PHACTR1: variants seen among roughly 807,000 people sequenced by gnomAD.
PHACTR1 encodes phosphatase and actin regulator 1, also known as RPEL repeat containing 1.
A neutral mutation model predicts 69.2 loss-of-function variants in PHACTR1; 16 were observed. The ratio of observed to expected loss-of-function variants is 0.23; its 90% CI spans 0.16 to 0.35. The LOEUF is 0.35. Ranked by LOEUF, PHACTR1 falls within the 10% of genes least tolerant of loss-of-function variation. PHACTR1 has a pLI of 1.00. For synonymous variants in PHACTR1, 312 were observed against 284.5 expected (o/e 1.10, Z -0.97); for missense variants, 510 against 734.7 (o/e 0.69, Z 3.54).
At chr6:13,134,340 G>C (rs954312639) in intron 5 of PHACTR1, among the ~76,000 whole-genome samples, 2 of 152,248 alleles carry the variant, frequency 1.3e-5, no homozygotes, top group Non-Finnish European at 2.9e-5. Flanking sequence ...TGGCGGTTTT[G>C]TCGAGTGGAA....
chr6:13,011,410 A>G (rs1734479951), intron 4 of PHACTR1, among the ~76,000 whole-genome samples: 1 of 152,366 alleles, frequency 6.6e-6, no homozygotes, highest in South Asian at 2.1e-4. Flanking sequence ...TGGATCCTCA[A>G]ACAAGAGAAA....
chr6:12,777,760 A>C (rs980484457), intron 4 of PHACTR1, among the ~76,000 whole-genome samples: 3 of 150,956 alleles, frequency 2.0e-5, no homozygotes, highest in Non-Finnish European at 4.4e-5. Flanking sequence ...GCCTCCCAAG[A>C]AGCTGGGATT....
intron 5 of PHACTR1, among the ~76,000 whole-genome samples, chr6:13,087,958 T>C (rs1812585165): frequency 6.6e-6 from 1 of 152,090 alleles, no homozygotes; most frequent in African/African-American, 2.4e-5. Context: ...AAAGCACACA[T>C]CTTTAACCTG....
At chr6:13,055,940 C>T (rs1806715417) in intron 5 of PHACTR1, among the ~76,000 whole-genome samples, 1 of 152,196 alleles carries the variant, frequency 6.6e-6, no homozygotes, top group South Asian at 2.1e-4. Flanking sequence ...TTCTTGTGAC[C>T]TCTGTGGCCA....
chr6:13,252,889 GC>G (rs781088043), intron 10 of PHACTR1: 5 of 284,254 alleles, frequency 1.8e-5, no homozygotes, highest in African/African-American at 4.3e-5. Flanking sequence ...AAATATTGCA[GC>G]CAAAACCCCC....
intron 7 of PHACTR1, among the ~76,000 whole-genome samples, chr6:13,186,478 A>C (rs565786139): frequency 1.3e-5 from 2 of 152,350 alleles, no homozygotes; most frequent in African/African-American, 4.8e-5. Flanking sequence ...AACAGCCTGC[A>C]TATATCTTCA....
At chr6:12,877,028 C>T (rs1782590095) in intron 4 of PHACTR1, among the ~76,000 whole-genome samples, 1 of 152,204 alleles carries the variant, frequency 6.6e-6, no homozygotes, top group African/African-American at 2.4e-5. Flanking sequence ...AGGCCCCAAA[C>T]AGATTGGATG....
chr6:13,169,897 G>T lies in PHACTR1; in HGVS notation c.496+9613G>T, dbSNP rs77708298. ...AATTTTTGTATGTTTGTCCTCTAAG[G>T]TATCCCAAATGCCTCAAACAATCTT... On this transcript the variant is annotated intron_variant, in intron 6 of 14. Coordinates refer to ENST00000332995, the MANE Select transcript of PHACTR1 (RefSeq NM_030948.6). Among the ~76,000 whole-genome samples the T allele has an allele frequency of 8.9e-3, 1,354 of 152,272 alleles. 38 individuals carry two copies. The East Asian group carries it at 0.11, about 12-fold the overall frequency.
intron 10 of PHACTR1, among the ~76,000 whole-genome samples, chr6:13,251,172 G>A (rs1463875684): frequency 6.6e-6 from 1 of 152,162 alleles, no homozygotes; most frequent in East Asian, 1.9e-4. Flanking sequence ...GATTCTGCCT[G>A]CCAGGCACAC....
intron 5 of PHACTR1, among the ~76,000 whole-genome samples, chr6:13,131,208 TACACACACACACACAC>T (rs56329629): frequency 4.7e-4 from 69 of 146,462 alleles, no homozygotes; most frequent in African/African-American, 1.5e-3. Context: ...TATATACACA[TACACACACACACACAC>T]ACACACACAC....
chr6:13,034,868 G>A (rs770053261), intron 4 of PHACTR1, among the ~76,000 whole-genome samples: 2 of 152,150 alleles, frequency 1.3e-5, no homozygotes, highest in Non-Finnish European at 2.9e-5. Context: ...TGAAAAGCCA[G>A]GAAATAGATA....
At chr6:13,185,967 C>T (rs1762774288) in intron 7 of PHACTR1, among the ~76,000 whole-genome samples, 1 of 152,136 alleles carries the variant, frequency 6.6e-6, no homozygotes, top group Admixed American at 6.5e-5. Flanking sequence ...CTATATTTCT[C>T]AACTCCGAGT....
chr6:12,977,630 AGTG>A (rs1262578206), intron 4 of PHACTR1, among the ~76,000 whole-genome samples: 3 of 152,238 alleles, frequency 2.0e-5, no homozygotes. Flanking sequence ...CTCAGTAATT[AGTG>A]TAATGTAAGG....
At chr6:13,222,539 T>A (rs1021610792) in intron 8 of PHACTR1, among the ~76,000 whole-genome samples, 2 of 152,230 alleles carry the variant, frequency 1.3e-5, no homozygotes, top group Non-Finnish European at 2.9e-5. Flanking sequence ...TGGACAGTTC[T>A]TCATCATTCA....
At chr6:13,274,800 T>C (rs576524455) in intron 11 of PHACTR1, 2 of 152,320 alleles carry the variant, frequency 1.3e-5, no homozygotes, top group East Asian at 3.9e-4. Flanking sequence ...TTGTGAAAGA[T>C]TGTTCCCATG....
intron 5 of PHACTR1, among the ~76,000 whole-genome samples, chr6:13,118,966 T>C (rs974375626): frequency 1.1e-3 from 165 of 152,302 alleles, no homozygotes; most frequent in African/African-American, 3.8e-3. Flanking sequence ...CTAGGAACTA[T>C]TGAGAGTTCC....
intron 4 of PHACTR1, among the ~76,000 whole-genome samples, chr6:12,854,035 A>G (rs1410366267): frequency 6.6e-6 from 1 of 152,214 alleles, no homozygotes; most frequent in East Asian, 1.9e-4. Flanking sequence ...AGGTGGAACT[A>G]CATGTATTGA....
chr6:13,080,321 A>C (rs1811175795), intron 5 of PHACTR1, among the ~76,000 whole-genome samples: 1 of 152,210 alleles, frequency 6.6e-6, no homozygotes, highest in South Asian at 2.1e-4. Context: ...GAGCTCTGTA[A>C]TAAGCCTAGA....
chr6:13,235,611 G>A (rs1213312174), intron 10 of PHACTR1, among the ~76,000 whole-genome samples: 2 of 152,126 alleles, frequency 1.3e-5, no homozygotes, highest in African/African-American at 4.8e-5. Flanking sequence ...CTAGGTATGG[G>A]GTGTTCTGGA....
Sources: gnomAD v4.1 joint callset for allele counts (sites outside exome capture counted in the v4.1 genomes callset) on GRCh38, gnomAD v4.1.1 for gene constraint, MANE v1.5 for transcripts, NCBI Gene and HGNC (gene_info 2026-07-23, HGNC 2026-07-21) for gene names.